BMAL1: variants seen among roughly 807,000 people sequenced by gnomAD.
BMAL1 encodes basic helix-loop-helix ARNT like 1.
chr11:13,359,201 T>C, the BMAL1 span, among the ~76,000 whole-genome samples: 4 of 152,202 alleles, frequency 2.6e-5, no homozygotes, highest in African/African-American at 9.7e-5. Flanking sequence ...AAGTGACTTA[T>C]CCAAACCACA....
the BMAL1 span, chr11:13,360,246 T>C: frequency 8.6e-6 from 9 of 1,040,836 alleles, no homozygotes; most frequent in African/African-American, 1.6e-5. Context: ...TACCAGGTCA[T>C]AGAGACTAGG....
chr11:13,324,186 G>A, the BMAL1 span, among the ~76,000 whole-genome samples: 1 of 152,152 alleles, frequency 6.6e-6, no homozygotes, highest in African/African-American at 2.4e-5. Flanking sequence ...TCTCTTGTCA[G>A]TTTGCTACAT....
the BMAL1 span, chr11:13,276,835 G>A: frequency 6.6e-6 from 1 of 152,228 alleles, no homozygotes; most frequent in East Asian, 1.9e-4. Flanking sequence ...CAACCGAGTC[G>A]CATGTCGTTA....
At chr11:13,284,226 ATGTGTGTG>A in the BMAL1 span, among the ~76,000 whole-genome samples, 514 of 68,000 alleles carry the variant, frequency 7.6e-3, 43 homozygotes, top group African/African-American at 0.036. Context: ...ATATATATAT[ATGTGTGTG>A]TATATATATA....
chr11:13,331,840 G>T, the BMAL1 span, among the ~76,000 whole-genome samples: 1 of 152,156 alleles, frequency 6.6e-6, no homozygotes, highest in Non-Finnish European at 1.5e-5. Context: ...GGCTGGAAGG[G>T]GCAGAGGGAC....
At chr11:13,367,729 AAT>A in the BMAL1 span, among the ~76,000 whole-genome samples, 4 of 145,220 alleles carry the variant, frequency 2.8e-5, no homozygotes, top group Admixed American at 2.1e-4. Flanking sequence ...AAAAAAAAAG[AAT>A]GAGAACACAA....
the BMAL1 span, among the ~76,000 whole-genome samples, chr11:13,366,490 T>C: frequency 1.3e-5 from 2 of 152,208 alleles, no homozygotes; most frequent in Non-Finnish European, 2.9e-5. Context: ...TCCAGATGCC[T>C]CCTTCCTGGT....
the BMAL1 span, chr11:13,379,870 GTGCA>G: frequency 6.6e-6 from 1 of 152,204 alleles, no homozygotes; most frequent in Non-Finnish European, 1.5e-5. Context: ...AAATGATACT[GTGCA>G]GTTTGGAAGA....
At chr11:13,292,850 C>T in the BMAL1 span, among the ~76,000 whole-genome samples, 1 of 152,162 alleles carries the variant, frequency 6.6e-6, no homozygotes, top group Non-Finnish European at 1.5e-5. Context: ...GGGCACACAT[C>T]CAGTCATTTT....
At chr11:13,310,720 C>T in the BMAL1 span, among the ~76,000 whole-genome samples, 2 of 152,152 alleles carry the variant, frequency 1.3e-5, no homozygotes, top group South Asian at 4.1e-4. Context: ...ATTTGGCCTG[C>T]GGGATGTAGT....
chr11:13,285,436 G>A, the BMAL1 span, among the ~76,000 whole-genome samples: 6 of 152,184 alleles, frequency 3.9e-5, no homozygotes, highest in African/African-American at 1.2e-4. Context: ...GAAGTGCTAG[G>A]AGTGCTAGGA....
the BMAL1 span, among the ~76,000 whole-genome samples, chr11:13,352,593 C>T: frequency 1.3e-5 from 2 of 152,210 alleles, no homozygotes; most frequent in South Asian, 2.1e-4. Flanking sequence ...CAGAATACAA[C>T]GTGTGTCCCG....
the BMAL1 span, among the ~76,000 whole-genome samples, chr11:13,324,898 A>C: frequency 6.6e-6 from 1 of 152,202 alleles, no homozygotes; most frequent in Non-Finnish European, 1.5e-5. Context: ...CTTTTATTTT[A>C]GAAAGCCAGC....
At chr11:13,365,469 G>A in the BMAL1 span, 7 of 1,586,560 alleles carry the variant, frequency 4.4e-6, no homozygotes, top group Non-Finnish European at 6.1e-6. Flanking sequence ...CCTACAGTAT[G>A]AGAAATTGAT....
the BMAL1 span, among the ~76,000 whole-genome samples, chr11:13,338,863 A>G: frequency 6.6e-6 from 1 of 152,264 alleles, no homozygotes; most frequent in Admixed American, 6.5e-5. Flanking sequence ...TTTGATGCTC[A>G]GTAAACGGGA....
At chr11:13,305,580 G>A in the BMAL1 span, among the ~76,000 whole-genome samples, 442 of 152,198 alleles carry the variant, frequency 2.9e-3, 3 homozygotes, top group African/African-American at 9.5e-3. Flanking sequence ...TTTCCAATCT[G>A]TATGTTTTTT....
At chr11:13,354,421 A>G in the BMAL1 span, 1 of 1,614,098 alleles carries the variant, frequency 6.2e-7, no homozygotes, top group Non-Finnish European at 8.5e-7. Context: ...TGCAACCGCA[A>G]ACGGAAAGGC....
chr11:13,356,361 T>C, the BMAL1 span: 1 of 489,908 alleles, frequency 2.0e-6, no homozygotes, highest in African/African-American at 2.0e-5. Flanking sequence ...ATAAGCTTCA[T>C]TTATCCAGAA....
chr11:13,385,676 C>CT, the BMAL1 span: 1,984 of 1,594,304 alleles, frequency 1.2e-3, 28 homozygotes, highest in African/African-American at 0.024. Context: ...CACTTCCCTC[C>CT]TTTTGTTTGT....
Sources: gnomAD v4.1 joint callset for allele counts (sites outside exome capture counted in the v4.1 genomes callset) on GRCh38, gnomAD v4.1.1 for gene constraint, MANE v1.5 for transcripts, NCBI Gene and HGNC (gene_info 2026-07-23, HGNC 2026-07-21) for gene names.